The following ZKSCAN7 variants were observed in gnomAD, a reference collection of about 807,000 sequenced individuals.
ZKSCAN7 encodes zinc finger protein with KRAB and SCAN domains 7.
A neutral mutation model predicts 65.3 loss-of-function variants in ZKSCAN7; 38 were observed. The observed-to-expected ratio is 0.58, with a 90% CI of 0.45 to 0.76. The LOEUF (loss-of-function observed/expected upper bound fraction) is 0.76. Among genes scored for constraint, ZKSCAN7 ranks in the 30% least tolerant of loss-of-function variants. ZKSCAN7 has a pLI of 0.00. For missense variants in ZKSCAN7, 815 were observed against 913.3 expected (o/e 0.89, Z 1.39); for synonymous variants, 321 against 321.0 (o/e 1.00, Z 0.00).
Position 44,570,132 on chromosome 3 carries a change from T to C in ZKSCAN7, c.1022T>C (p.Ile341Thr). 3 of 1,613,952 alleles carry C rather than the reference T, an allele frequency of 1.9e-6. No individual in the cohort carries two copies. Among genetic ancestry groups the C allele is most frequent in the Non-Finnish European group, 2.5e-6 (3 of 1,179,998 alleles). Reference protein sequence around the residue: ...GSRLENDFLEITDEDKKKSTK... With the variant: ...GSRLENDFLETTDEDKKKSTK... ...AGACTAGAAAATGATTTCTTGGAAATAACAGATGAAGATAAGAAAAAATCC... is the reference window on the plus strand; with the variant it reads ...AGACTAGAAAATGATTTCTTGGAAACAACAGATGAAGATAAGAAAAAATCC... The change falls in exon 6 of 6, where the codon ATA (isoleucine) becomes ACA (threonine). Residue 341 changes from isoleucine to threonine, a missense_variant. Physicochemically the swap from Ile to Thr is moderately conservative, Grantham distance 89. This residue lies in a region of ZKSCAN7 where 578 missense variants were observed against 629.5 expected (regional missense o/e 0.92). Coordinates refer to ENST00000426540, the MANE Select transcript of ZKSCAN7 (RefSeq NM_001288590.2).
At chr3:44,555,889 G>A (rs1699275390) in intron 1 of ZKSCAN7, among the ~76,000 whole-genome samples, 1 of 152,192 alleles carries the variant, frequency 6.6e-6, no homozygotes, top group Non-Finnish European at 1.5e-5. Flanking sequence ...TCAGCTAAAT[G>A]TATCATATTC....
chr3:44,580,857 G>T (rs1331483549), intron 5 of ZKSCAN7: 1 of 1,613,498 alleles, frequency 6.2e-7, no homozygotes, highest in East Asian at 2.2e-5. Context: ...GTCAAAGTCG[G>T]TCCCATCTGG....
intron 5 of ZKSCAN7, chr3:44,580,174 G>A (rs1244887967): frequency 2.5e-6 from 4 of 1,608,852 alleles, no homozygotes; most frequent in East Asian, 2.2e-5. Context: ...GGAGGGGAGA[G>A]CGGCGGGGGC....
chr3:44,559,675 C>T (rs1429677743), intron 2 of ZKSCAN7, among the ~76,000 whole-genome samples: 3 of 152,182 alleles, frequency 2.0e-5, no homozygotes, highest in African/African-American at 7.2e-5. Flanking sequence ...AAGCCACCTG[C>T]CTCATCCTCC....
chr3:44,558,781 C>CA (rs1699375208), intron 2 of ZKSCAN7, among the ~76,000 whole-genome samples: 1 of 74,340 alleles, frequency 1.3e-5, no homozygotes, highest in African/African-American at 5.6e-5. Flanking sequence ...CTTTCTTCTT[C>CA]ATTTTTTTTT....
chr3:44,562,862 C>T (rs1489679625), intron 2 of ZKSCAN7, among the ~76,000 whole-genome samples: 6 of 151,798 alleles, frequency 4.0e-5, no homozygotes, highest in Admixed American at 1.3e-4. Context: ...CCCAGCTACT[C>T]GGGAGGCTGA....
chr3:44,572,344 TTTTG>T, downstream of ZKSCAN7, among the ~76,000 whole-genome samples: 1 of 102,664 alleles, frequency 9.7e-6, no homozygotes, highest in African/African-American at 4.1e-5. Flanking sequence ...TGCGAATGGA[TTTTG>T]TGTGTGTGTG....
At chr3:44,559,988 A>G (rs1699418948) in intron 2 of ZKSCAN7, among the ~76,000 whole-genome samples, 1 of 152,210 alleles carries the variant, frequency 6.6e-6, no homozygotes, top group Non-Finnish European at 1.5e-5. Context: ...TGGCAGAAGG[A>G]AAATGTCCCT....
intron 2 of ZKSCAN7, among the ~76,000 whole-genome samples, chr3:44,559,185 C>T (rs1053387176): frequency 6.6e-6 from 1 of 151,990 alleles, no homozygotes; most frequent in Non-Finnish European, 1.5e-5. Flanking sequence ...CTTACTTAAA[C>T]TTATTATGTA....
intron 5 of ZKSCAN7, chr3:44,581,110 A>C (rs1700072452): frequency 3.0e-6 from 3 of 998,582 alleles, no homozygotes; most frequent in Non-Finnish European, 1.2e-6. Flanking sequence ...CCGCCGCCGC[A>C]TCCCTCGCCG....
chr3:44,559,863 A>G (rs1373016323), intron 2 of ZKSCAN7, among the ~76,000 whole-genome samples: 1 of 152,234 alleles, frequency 6.6e-6, no homozygotes, highest in African/African-American at 2.4e-5. Flanking sequence ...TTCTTTGTGT[A>G]AACAAGTAAG....
In ZKSCAN7 at chr3:44,570,210, C is replaced by G; in HGVS notation, c.1100C>G (p.Ser367Cys). Residue 367 changes from serine (S) to cysteine (C), a missense_variant, in exon 6 of 6, where the codon TCT (serine) becomes TGT (cysteine). By Grantham distance (112) the Ser-to-Cys change is moderately radical. Around this residue, in one of 3 missense-constraint regions of ZKSCAN7, gnomAD observed 578 missense variants for 629.5 expected, o/e 0.92. Transcript: ENST00000426540. ...YKEVGEHPPLSSSPVEHEGVL... is the reference protein window; with the variant it reads ...YKEVGEHPPLCSSPVEHEGVL... ...GAAGTTGGGGAACATCCACCTCTGT[C>G]TTCCAGTCCTGTTGAACATGAAGGA... The G allele has an allele frequency of 6.2e-7, 1 of 1,614,242 alleles. No individual in the cohort carries two copies.
chr3:44,579,936 G>A (rs1700024988), intron 5 of ZKSCAN7: 2 of 1,604,178 alleles, frequency 1.2e-6, no homozygotes, highest in East Asian at 2.2e-5. Flanking sequence ...GCTCTTCGGT[G>A]TGGAGACGGG....
exon 6 of ZKSCAN7, chr3:44,583,019 C>T (rs931678250): frequency 1.4e-5 from 6 of 441,308 alleles, no homozygotes; most frequent in Non-Finnish European, 2.3e-5. Context: ...CTCCAGCTCC[C>T]GAGTTCAAGC....
chr3:44,578,115 C>T, intron 5 of ZKSCAN7: 3 of 1,550,232 alleles, frequency 1.9e-6, no homozygotes, highest in Non-Finnish European at 1.8e-6. Flanking sequence ...GGACTTTTCC[C>T]CCAGTGCTTC....
At chr3:44,557,623 C>T (rs1003700845) in intron 2 of ZKSCAN7, 153 bp downstream of exon 2, 1 of 1,052,194 alleles carries the variant, frequency 9.5e-7, no homozygotes, top group Non-Finnish European at 1.3e-6. Flanking sequence ...GTTTTGTGCT[C>T]CAAGCCATAA....
intron 5 of ZKSCAN7, 35 bp downstream of exon 5, chr3:44,568,468 C>CAT (rs759992035): frequency 6.3e-7 from 1 of 1,593,976 alleles, no homozygotes; most frequent in South Asian, 1.1e-5. Context: ...TTAAAGTCTG[C>CAT]ATGCTGCACA....
rs531208182 is a variant in ZKSCAN7 at position 44,571,329 on chromosome 3, C to T, written c.2219C>T (p.Thr740Ile). The T allele has an allele frequency of 2.4e-5, 39 of 1,614,118 alleles. No individual in the cohort carries two copies. Among genetic ancestry groups the T allele is most frequent in the Non-Finnish European group, 3.2e-5 (38 of 1,180,046 alleles). The change falls in exon 6 of 6, where the codon ACT becomes ATT. Residue 740 changes from threonine to isoleucine, a missense_variant. This residue lies in a region of ZKSCAN7 where 578 missense variants were observed against 629.5 expected (regional missense o/e 0.92). Transcript: ENST00000426540. The part of the protein sequence containing the change: ...QRSTFNHHQR[T>I]HTGEKSSGLA... ...TCCACTTTTAATCACCACCAGCGAACTCACACTGGAGAGAAGTCCTCAGGT... is the reference window on the plus strand; with the variant it reads ...TCCACTTTTAATCACCACCAGCGAATTCACACTGGAGAGAAGTCCTCAGGT...
In ZKSCAN7 at chr3:44,570,259, T is replaced by C. The variant is rs139498694; in HGVS notation, c.1149T>C (p.Tyr383=). 1,730 of 1,614,232 alleles carry C rather than the reference T, an allele frequency of 1.1e-3. 12 individuals are homozygous for C. In the East Asian group the frequency reaches 0.014, roughly 13 times the overall value. The change falls in exon 6 of 6, where the codon TAT becomes TAC. Residue 383 remains tyrosine (Y), a synonymous_variant. Transcript: ENST00000426540. ...GAGTTTTAAAGGGACAGAAATCCTA[T>C]CGATGTGATGAATGTGGCAAAGCTT... The part of the protein sequence containing the change: ...HEGVLKGQKS[Y]RCDECGKAFN...
Sources: gnomAD v4.1 joint callset for allele counts (sites outside exome capture counted in the v4.1 genomes callset) on GRCh38, gnomAD v4.1.1 for gene constraint, gnomAD v4.1.1 regional missense constraint, MANE v1.5 for transcripts, NCBI Gene and HGNC (gene_info 2026-07-23, HGNC 2026-07-21) for gene names.